Variants in ANKS1B observed in about 807,000 individuals in gnomAD.
ANKS1B encodes ankyrin repeat and sterile alpha motif domain-containing protein 1B.
A neutral mutation model predicts 148.3 loss-of-function variants in ANKS1B; 36 were observed. That is an observed-to-expected ratio of 0.24 (90% CI 0.19 to 0.32). The LOEUF (loss-of-function observed/expected upper bound fraction) is 0.32, where lower values mean the gene tolerates loss of function less well. ANKS1B is among the 10% of genes least tolerant of loss of function. The probability of loss-of-function intolerance (pLI) is 1.00; values close to 1 mark genes in which losing one functional copy is unlikely to be tolerated. For missense variants in ANKS1B, 1,157 were observed against 1,542.6 expected (o/e 0.75, Z 4.19); for synonymous variants, 542 against 560.8 (o/e 0.97, Z 0.47).
At chr12:99,760,525 A>C (rs908118758) in intron 8 of ANKS1B, among the ~76,000 whole-genome samples, 1 of 151,864 alleles carries the variant, frequency 6.6e-6, no homozygotes, top group Non-Finnish European at 1.5e-5. Flanking sequence ...TAACATACCA[A>C]AATCTCTGAG....
At chr12:99,100,636 T>G (rs1025247109) in intron 15 of ANKS1B, among the ~76,000 whole-genome samples, 4 of 152,214 alleles carry the variant, frequency 2.6e-5, no homozygotes, top group Non-Finnish European at 5.9e-5. Flanking sequence ...TTCCAGTGAT[T>G]CTCCTGCTTC....
chr12:99,802,067 C>T (rs2067017896), intron 4 of ANKS1B, among the ~76,000 whole-genome samples: 5 of 152,156 alleles, frequency 3.3e-5, no homozygotes, highest in Admixed American at 2.6e-4. Flanking sequence ...GGATAATTAT[C>T]GCCTATGTAC....
chr12:99,621,602 C>A (rs564968798), intron 9 of ANKS1B, among the ~76,000 whole-genome samples: 1 of 151,928 alleles, frequency 6.6e-6, no homozygotes, highest in Non-Finnish European at 1.5e-5. Context: ...GCAAGGGTCA[C>A]TGTCTTTATA....
chr12:99,578,737 T>A (rs1212076339), intron 9 of ANKS1B, among the ~76,000 whole-genome samples: 1 of 152,268 alleles, frequency 6.6e-6, no homozygotes, highest in East Asian at 1.9e-4. Context: ...TGCTCATGGA[T>A]AGGAAGAATC....
chr12:99,657,897 C>CAA (rs58151526), intron 8 of ANKS1B, among the ~76,000 whole-genome samples: 3,226 of 74,906 alleles, frequency 0.043, 151 homozygotes, highest in East Asian at 0.093. Context: ...TCTCCTCCCT[C>CAA]AAAAAAAAAA....
chr12:99,470,492 A>G (rs2096222593), intron 10 of ANKS1B, among the ~76,000 whole-genome samples: 1 of 152,090 alleles, frequency 6.6e-6, no homozygotes, highest in African/African-American at 2.4e-5. Context: ...TAACATTTTG[A>G]CTTTTTGGAA....
chr12:99,454,440 C>T (rs559320616), intron 10 of ANKS1B, among the ~76,000 whole-genome samples: 1 of 151,988 alleles, frequency 6.6e-6, no homozygotes, highest in South Asian at 2.1e-4. Flanking sequence ...GAACTTTGGT[C>T]TTATCTACAC....
At chr12:99,350,627 G>T (rs1435806471) in intron 12 of ANKS1B, among the ~76,000 whole-genome samples, 3 of 152,050 alleles carry the variant, frequency 2.0e-5, no homozygotes, top group Non-Finnish European at 4.4e-5. Context: ...AGAAAGAAAT[G>T]AGATTGGGGT....
intron 1 of ANKS1B, among the ~76,000 whole-genome samples, chr12:99,867,780 A>T (rs2090953501): frequency 6.6e-6 from 1 of 152,134 alleles, no homozygotes. Context: ...AAAATATAAA[A>T]CACTTCCAAA....
chr12:98,834,908 A>G (rs1347803135), intron 17 of ANKS1B, among the ~76,000 whole-genome samples: 2 of 152,152 alleles, frequency 1.3e-5, no homozygotes, highest in South Asian at 2.1e-4. Flanking sequence ...TAAATACAGC[A>G]TATTTTCTAA....
chr12:99,538,047 G>A (rs1438127061), intron 9 of ANKS1B, among the ~76,000 whole-genome samples: 1 of 152,024 alleles, frequency 6.6e-6, no homozygotes, highest in Non-Finnish European at 1.5e-5. Context: ...TGGCACTTTT[G>A]TCAAAAATGA....
intron 11 of ANKS1B, among the ~76,000 whole-genome samples, chr12:99,431,812 G>T (rs2095377318): frequency 1.3e-5 from 2 of 152,170 alleles, no homozygotes; most frequent in African/African-American, 4.8e-5. Flanking sequence ...CTATGTATCT[G>T]CCTGCTACGA....
At chr12:99,568,644 G>A (rs1165061040) in intron 9 of ANKS1B, among the ~76,000 whole-genome samples, 2 of 152,084 alleles carry the variant, frequency 1.3e-5, no homozygotes, top group Non-Finnish European at 2.9e-5. Flanking sequence ...TATATTCTCT[G>A]ACAAAATCAA....
chr12:98,904,520 C>T (rs983862107), intron 17 of ANKS1B, among the ~76,000 whole-genome samples: 7 of 152,224 alleles, frequency 4.6e-5, no homozygotes, highest in African/African-American at 1.7e-4. Flanking sequence ...TTTAGAAAGA[C>T]CTGCAATTTT....
At chr12:99,451,956 G>T (rs1374360111) in intron 10 of ANKS1B, among the ~76,000 whole-genome samples, 1 of 152,000 alleles carries the variant, frequency 6.6e-6, no homozygotes, top group Non-Finnish European at 1.5e-5. Flanking sequence ...AATCCTAAGT[G>T]CATCACTTGC....
At chr12:99,860,256 C>A (rs1038708436) in intron 1 of ANKS1B, among the ~76,000 whole-genome samples, 1 of 152,170 alleles carries the variant, frequency 6.6e-6, no homozygotes, top group African/African-American at 2.4e-5. Flanking sequence ...CAGCAAAGAA[C>A]ATGAGATCTT....
At chr12:99,297,115 A>T (rs2080978308) in intron 12 of ANKS1B, among the ~76,000 whole-genome samples, 1 of 152,194 alleles carries the variant, frequency 6.6e-6, no homozygotes, top group African/African-American at 2.4e-5. Context: ...GAACAAATAA[A>T]ATCTTTCCCC....
chr12:99,915,400 T>C (rs530966615), intron 1 of ANKS1B, among the ~76,000 whole-genome samples: 1 of 152,102 alleles, frequency 6.6e-6, no homozygotes, highest in East Asian at 1.9e-4. Flanking sequence ...AGCTGAGGCA[T>C]GGGGAAAGAA....
chr12:99,675,424 T>C (rs1011089350), intron 8 of ANKS1B, among the ~76,000 whole-genome samples: 3 of 151,974 alleles, frequency 2.0e-5, no homozygotes, highest in Non-Finnish European at 4.4e-5. Context: ...AAAATTGTCA[T>C]TTTATTATTT....
Sources: gnomAD v4.1 joint callset for allele counts (sites outside exome capture counted in the v4.1 genomes callset) on GRCh38, gnomAD v4.1.1 for gene constraint, MANE v1.5 for transcripts, NCBI Gene and HGNC (gene_info 2026-07-23, HGNC 2026-07-21) for gene names.